The following FLI1 variants were observed in gnomAD, a reference collection of about 807,000 sequenced individuals.
FLI1 encodes Friend leukemia integration 1 transcription factor.
Under a neutral mutation model 53.1 loss-of-function variants are expected in FLI1, and 13 were observed. The observed-to-expected ratio is 0.24, with a 90% CI of 0.16 to 0.39. The LOEUF is 0.39. FLI1 is among the 10% of genes least tolerant of loss of function. The probability of loss-of-function intolerance (pLI) is 1.00; values close to 1 mark genes in which losing one functional copy is unlikely to be tolerated. For missense variants in FLI1, 424 were observed against 600.5 expected (o/e 0.71, Z 3.07); for synonymous variants, 244 against 236.7 (o/e 1.03, Z -0.28).
At chr11:128,695,036 G>C (rs1265956523) in intron 1 of FLI1, among the ~76,000 whole-genome samples, 1 of 149,628 alleles carries the variant, frequency 6.7e-6, no homozygotes, top group East Asian at 2.0e-4. Flanking sequence ...GGCGTGCGCC[G>C]GCTCCAGGAC....
intron 2 of FLI1, among the ~76,000 whole-genome samples, chr11:128,761,130 C>T (rs1206066101): frequency 6.6e-6 from 1 of 152,224 alleles, no homozygotes; most frequent in East Asian, 1.9e-4. Flanking sequence ...CACTTCTTCC[C>T]TCCGCGCCAG....
chr11:128,706,586 G>A (rs908051434), intron 1 of FLI1, among the ~76,000 whole-genome samples: 3 of 152,182 alleles, frequency 2.0e-5, no homozygotes, highest in African/African-American at 7.2e-5. Flanking sequence ...AACCAGGCAA[G>A]AGCCCCTGGA....
chr11:128,713,515 T>A (rs975361071), intron 1 of FLI1, among the ~76,000 whole-genome samples: 5 of 152,052 alleles, frequency 3.3e-5, no homozygotes, highest in African/African-American at 1.2e-4. Flanking sequence ...GCCTGACACA[T>A]ATCCATGTAT....
intron 4 of FLI1, among the ~76,000 whole-genome samples, chr11:128,780,349 G>A (rs963464960): frequency 3.3e-5 from 5 of 152,182 alleles, no homozygotes; most frequent in Admixed American, 6.5e-5. Context: ...GCCGGGTGCG[G>A]TGGTAATCCC....
intron 5 of FLI1, among the ~76,000 whole-genome samples, chr11:128,794,678 T>C (rs1470726573): frequency 6.6e-6 from 1 of 152,242 alleles, no homozygotes; most frequent in Non-Finnish European, 1.5e-5. Context: ...AATATCCTTG[T>C]TGGAGAAAAG....
At chr11:128,768,085 A>T (rs772074166) in intron 2 of FLI1, 33 bp from the exon 3 acceptor site, 1 of 1,572,892 alleles carries the variant, frequency 6.4e-7, no homozygotes, top group Non-Finnish European at 8.7e-7. Context: ...GTCAGTGCTG[A>T]CCGCCTCTGG....
At chr11:128,707,487 C>A (rs1938596643) in intron 1 of FLI1, among the ~76,000 whole-genome samples, 1 of 152,172 alleles carries the variant, frequency 6.6e-6, no homozygotes, top group Non-Finnish European at 1.5e-5. Flanking sequence ...AACGTCATTT[C>A]AGGAAACCAG....
At chr11:128,730,155 C>A (rs75461320) in intron 1 of FLI1, among the ~76,000 whole-genome samples, 3,171 of 152,340 alleles carry the variant, frequency 0.021, 105 homozygotes, top group African/African-American at 0.072. Flanking sequence ...ATTATCACCA[C>A]CTTGACTATG....
chr11:128,774,828 G>A (rs968457847), intron 4 of FLI1, among the ~76,000 whole-genome samples: 4 of 152,118 alleles, frequency 2.6e-5, no homozygotes, highest in African/African-American at 2.4e-5. Flanking sequence ...TCCTGCCACC[G>A]AACAATGGGA....
chr11:128,790,270 CGA>C (rs1286128447), intron 5 of FLI1, among the ~76,000 whole-genome samples: 6 of 122,116 alleles, frequency 4.9e-5, no homozygotes, highest in Non-Finnish European at 6.5e-5. Flanking sequence ...TTTTTTTCCA[CGA>C]GAGAGAGATT....
chr11:128,746,413 G>A (rs1454796683), intron 1 of FLI1, among the ~76,000 whole-genome samples: 1 of 152,160 alleles, frequency 6.6e-6, no homozygotes, highest in Non-Finnish European at 1.5e-5. Context: ...TGCAGAACCT[G>A]CCGCCTCCAC....
At chr11:128,725,420 C>T (rs534192531) in intron 1 of FLI1, among the ~76,000 whole-genome samples, 28 of 152,268 alleles carry the variant, frequency 1.8e-4, no homozygotes, top group African/African-American at 6.5e-4. Flanking sequence ...GTCTTGGCCC[C>T]TCACCACTCA....
At chr11:128,717,466 A>G (rs1303496202) in intron 1 of FLI1, among the ~76,000 whole-genome samples, 1 of 152,218 alleles carries the variant, frequency 6.6e-6, no homozygotes, top group Non-Finnish European at 1.5e-5. Flanking sequence ...TCTGGAGCCC[A>G]GGGATGCTGT....
At chr11:128,725,069 T>C (rs1939417147) in intron 1 of FLI1, among the ~76,000 whole-genome samples, 1 of 152,108 alleles carries the variant, frequency 6.6e-6, no homozygotes, top group African/African-American at 2.4e-5. Flanking sequence ...GTAGTTTCGA[T>C]AAAAACTATA....
chr11:128,791,242 C>T (rs1942260215), intron 5 of FLI1, among the ~76,000 whole-genome samples: 1 of 152,160 alleles, frequency 6.6e-6, no homozygotes, highest in South Asian at 2.1e-4. Context: ...AAAGACCTGT[C>T]CTTCAAACAT....
chr11:128,777,375 A>G (rs1202070114), intron 4 of FLI1, among the ~76,000 whole-genome samples: 2 of 152,194 alleles, frequency 1.3e-5, no homozygotes, highest in Non-Finnish European at 2.9e-5. Context: ...GTCTTCAAAC[A>G]GTGGCTGCTC....
intron 1 of FLI1, among the ~76,000 whole-genome samples, chr11:128,753,294 G>A (rs957066088): frequency 1.1e-4 from 16 of 152,354 alleles, no homozygotes; most frequent in South Asian, 6.2e-4. Context: ...AGGAGCCCAC[G>A]CCTCCTGTCT....
At chr11:128,789,677 AT>A (rs1942207071) in intron 5 of FLI1, among the ~76,000 whole-genome samples, 1 of 152,130 alleles carries the variant, frequency 6.6e-6, no homozygotes, top group South Asian at 2.1e-4. Flanking sequence ...GAAGGCGGGC[AT>A]TTGGCAGCCT....
chr11:128,798,657 A>C (rs1333424021), intron 5 of FLI1, among the ~76,000 whole-genome samples: 1 of 152,108 alleles, frequency 6.6e-6, no homozygotes, highest in Non-Finnish European at 1.5e-5. Context: ...TTTCCCTGTG[A>C]GTTCCAAGTT....
Sources: gnomAD v4.1 joint callset for allele counts (sites outside exome capture counted in the v4.1 genomes callset) on GRCh38, gnomAD v4.1.1 for gene constraint, MANE v1.5 for transcripts, NCBI Gene and HGNC (gene_info 2026-07-23, HGNC 2026-07-21) for gene names.